TECR: variants seen among roughly 807,000 people sequenced by gnomAD.
TECR encodes trans-2,3-enoyl-CoA reductase, also known as very-long-chain enoyl-CoA reductase.
TECR carries 19 observed loss-of-function variants against 50.6 expected under a neutral mutation model. The observed-to-expected ratio is 0.38, with a 90% CI of 0.26 to 0.55. The LOEUF (loss-of-function observed/expected upper bound fraction) is 0.55, where lower values mean the gene tolerates loss of function less well. Among genes scored for constraint, TECR ranks in the 20% least tolerant of loss-of-function variants. TECR has a pLI of 0.79. For synonymous variants in TECR, 168 were observed against 163.5 expected, an observed-to-expected ratio of 1.03 and a Z score of -0.21; for missense variants, 313 against 408.3, an observed-to-expected ratio of 0.77 and a Z score of 2.01.
intron 7 of TECR, 133 bp from the exon 8 acceptor site, chr19:14,564,653 C>A: frequency 1.3e-6 from 1 of 785,534 alleles, no homozygotes; most frequent in Admixed American, 2.2e-5. Flanking sequence ...CCCCGCCTAT[C>A]CTCCCCAGCC....
intron 1 of TECR, chr19:14,544,999 C>T: frequency 4.6e-6 from 2 of 432,242 alleles, no homozygotes. Flanking sequence ...CACTCCTTCC[C>T]TTCTCTGTTC....
At chr19:14,543,419 ATTTTTTTTTTTTTTT>A (rs1169742953) in intron 1 of TECR, among the ~76,000 whole-genome samples, 1,091 of 20,504 alleles carry the variant, frequency 0.053, 18 homozygotes, top group East Asian at 0.13. Flanking sequence ...ATATATATAT[ATTTTTTTTTTTTTTT>A]TTTTTTTTTT....
rs1279647637 is a variant in TECR at position 14,563,512 on chromosome 19, T to C, written c.119-146T>C. On this transcript the variant is annotated intron_variant, in intron 3 of 12. Transcript: ENST00000215567. This position sits in a 1 kb window ranked among gnomAD's most constrained non-coding sequence, Gnocchi z 5.3. ...CTTGTGTCCTGAAACCGCACAAGCC[T>C]GAGGGTTTGCCCCCAGGTGGGAGGA... is the stretch of plus-strand genomic sequence containing the variant. The C allele has an allele frequency of 8.3e-6, 9 of 1,083,258 alleles. No individual in the cohort carries two copies. Among genetic ancestry groups the C allele is most frequent in the Admixed American group, 7.8e-5 (4 of 51,460 alleles). The allele number at this position is 1,083,258 out of a possible 1,614,324, so 67.1% of individuals were successfully genotyped here.
At chr19:14,538,779 C>A (rs4366813) in intron 1 of TECR, among the ~76,000 whole-genome samples, 2,156 of 152,038 alleles carry the variant, frequency 0.014, 29 homozygotes, top group Non-Finnish European at 0.018. Context: ...GATCCACCCG[C>A]CTCAGCCTCC....
intron 7 of TECR, 98 bp downstream of exon 7, chr19:14,564,385 A>T: frequency 5.4e-6 from 5 of 927,282 alleles, no homozygotes; most frequent in Non-Finnish European, 6.3e-6. Flanking sequence ...CCTGTCTGCC[A>T]CTACGCCCCA....
At chr19:14,529,583 C>T, upstream of TECR, 13 of 1,535,412 alleles carry the variant, frequency 8.5e-6, no homozygotes, top group Non-Finnish European at 1.2e-5. Flanking sequence ...GCGGGGCGGA[C>T]GCAGAGCCGC....
intron 1 of TECR, among the ~76,000 whole-genome samples, chr19:14,550,892 G>A (rs1187338561): frequency 1.3e-5 from 2 of 151,870 alleles, no homozygotes; most frequent in Non-Finnish European, 2.9e-5. Flanking sequence ...GGCTGGTGTC[G>A]AACTCCTGAC....
At chr19:14,556,244 T>G (rs1044475978) in intron 1 of TECR, among the ~76,000 whole-genome samples, 4 of 152,126 alleles carry the variant, frequency 2.6e-5, no homozygotes, top group African/African-American at 9.7e-5. Flanking sequence ...CTGTTCCCTC[T>G]GCCTGGACTG....
In TECR at chr19:14,563,936, C is replaced by T. The variant is rs767581674; in HGVS notation, c.267+33C>T. 2.9e-5 allele frequency: 46 copies of T among 1,614,012 alleles called. No homozygotes were observed. The highest frequency in any genetic ancestry group is 3.7e-5 in the Non-Finnish European group (44 of 1,179,892). ...CTGACCCTACCCACGGCCTCTTTTC[C>T]CGTCAGCCACGTTGGGTGACTCATC... On this transcript the variant is annotated intron_variant, in intron 5 of 12. Transcript: ENST00000215567. The surrounding 1 kb of genome is among the most constrained non-coding windows in gnomAD (Gnocchi z 5.3).
intron 1 of TECR, among the ~76,000 whole-genome samples, chr19:14,538,278 G>A (rs978683371): frequency 3.9e-5 from 6 of 152,040 alleles, no homozygotes; most frequent in Non-Finnish European, 5.9e-5. Context: ...GGACTTGGAG[G>A]CCACCCACTC....
intron 7 of TECR, 131 bp from the exon 8 acceptor site, chr19:14,564,655 T>TC: frequency 5.9e-6 from 4 of 675,812 alleles, no homozygotes; most frequent in Admixed American, 5.0e-5. Flanking sequence ...CCGCCTATCC[T>TC]CCCCAGCCCC....
At position 14,564,777 on chromosome 19, in the gene TECR, C is replaced by G. The variant is rs748918516; in HGVS notation, c.490-9C>G. 9 of 1,612,830 alleles carry G rather than the reference C, an allele frequency of 5.6e-6. No homozygotes were observed. In the East Asian group the frequency reaches 1.1e-4, roughly 20 times the overall value. On this transcript the variant is annotated splice_polypyrimidine_tract_variant and intron_variant, in intron 7 of 12. Transcript: ENST00000215567. ...GCCCAAGTCCCATCCCTGCCCTGCT[C>G]CCTTTCAGAACTGCACCTACTACTG...
At chr19:14,562,102 C>G in intron 1 of TECR, 1 of 488,970 alleles carries the variant, frequency 2.0e-6, no homozygotes, top group Non-Finnish European at 3.7e-6. Flanking sequence ...GGGGAGACTC[C>G]CAAGCCCCCC....
In TECR at chr19:14,548,337, C is replaced by T. The variant is rs148674874; in HGVS notation, c.16-14188C>T. Among the ~76,000 whole-genome samples the T allele has an allele frequency of 2.6e-5, 4 of 152,258 alleles. No homozygotes were observed. In the South Asian group the frequency reaches 6.3e-4, roughly 24 times the overall value. On this transcript the variant is annotated intron_variant, in intron 1 of 12. Transcript: ENST00000215567. ...CTCTTGAACCTGCATTTCCCCACCCCCTTGGTGGCAGTTCCGGCCTGTTTG... is the reference window on the plus strand; with the variant it reads ...CTCTTGAACCTGCATTTCCCCACCCTCTTGGTGGCAGTTCCGGCCTGTTTG...
chr19:14,546,591 A>G (rs954514510), intron 1 of TECR, among the ~76,000 whole-genome samples: 6 of 152,160 alleles, frequency 3.9e-5, no homozygotes, highest in African/African-American at 2.4e-5. Context: ...GGCTCTCACT[A>G]TCTTGGCCTG....
chr19:14,534,080 A>C (rs2072771509), intron 1 of TECR: 1 of 151,644 alleles, frequency 6.6e-6, no homozygotes, highest in Non-Finnish European at 1.5e-5. Flanking sequence ...GAATACCCAG[A>C]AGCGAGCCTC....
rs1356949234 is a variant in TECR at position 14,564,256 on chromosome 19, A to G, written c.458A>G (p.His153Arg). ...ACGCTCTTCGTGCACCGCTTCTCCCATGGCACTATGCCTTTGCGCAACATC... is the reference window on the plus strand; with the variant it reads ...ACGCTCTTCGTGCACCGCTTCTCCCGTGGCACTATGCCTTTGCGCAACATC... The part of the protein sequence containing the change: ...LETLFVHRFS[H>R]GTMPLRNIFK... Residue 153 changes from histidine (H) to arginine (R), a missense_variant, in exon 7 of 13, where the codon CAT becomes CGT. By Grantham distance (29) the His-to-Arg change is conservative. Transcript: ENST00000215567. The G allele has an allele frequency of 3.7e-6, 6 of 1,606,802 alleles. No individual in the cohort carries two copies. The highest frequency in any genetic ancestry group is 5.1e-6 in the Non-Finnish European group (6 of 1,179,756).
intron 1 of TECR, among the ~76,000 whole-genome samples, chr19:14,557,338 A>C (rs1354386806): frequency 6.8e-6 from 1 of 146,590 alleles, no homozygotes; most frequent in Admixed American, 6.9e-5. Context: ...ACGGGGTTTC[A>C]CCATGTTGGG....
chr19:14,530,107 G>A (rs1406579574), intron 1 of TECR: 1 of 337,206 alleles, frequency 3.0e-6, no homozygotes, highest in African/African-American at 2.1e-5. Flanking sequence ...AGCGTAGGAA[G>A]GGGCTTTGCT....
Sources: allele counts gnomAD v4.1 joint callset (sites outside exome capture counted in the v4.1 genomes callset), GRCh38; gene constraint gnomAD v4.1.1; non-coding constraint Gnocchi (gnomAD v3.1); transcripts MANE v1.5; gene names NCBI Gene and HGNC (gene_info 2026-07-23, HGNC 2026-07-21).